Variants in EPYC observed in about 807,000 individuals in gnomAD.
EPYC encodes epiphycan.
Under a neutral mutation model 30.1 loss-of-function variants are expected in EPYC, and 28 were observed. The observed-to-expected ratio is 0.93, with a 90% CI of 0.69 to 1.28. The LOEUF (loss-of-function observed/expected upper bound fraction) is 1.28, where lower values mean the gene tolerates loss of function less well. EPYC is among the 50% of genes most tolerant of loss of function. EPYC has a pLI of 0.00. For missense variants in EPYC, 382 were observed against 383.5 expected, an observed-to-expected ratio of 1.00 and a Z score of 0.03; for synonymous variants, 144 against 141.4, an observed-to-expected ratio of 1.02 and a Z score of -0.13.
intron 1 of EPYC, among the ~76,000 whole-genome samples, chr12:91,003,333 TTA>T (rs1877875231): frequency 6.6e-6 from 1 of 152,054 alleles, no homozygotes; most frequent in Non-Finnish European, 1.5e-5. Flanking sequence ...CCTCAGTATT[TTA>T]TTTAATTCTT....
In EPYC at chr12:90,971,964, A is replaced by G. The variant is rs1294950441; in HGVS notation, c.538T>C (p.Ser180Pro). The G allele has an allele frequency of 3.0e-5, 48 of 1,606,028 alleles. No individual in the cohort carries two copies. The Admixed American group carries it at 5.8e-4, about 19-fold the overall frequency. ...CGGAATGCATCTTCATCAATCTCAG[A>G]TATTAAATTTGATGTCAGATCAATC... ...KRIDLTSNLI[S>P]EIDEDAFRKL... The change falls in exon 5 of 7, where the codon TCT becomes CCT. Residue 180 changes from serine to proline, a missense_variant. By Grantham distance (74) the Ser-to-Pro change is moderately conservative. Transcript: ENST00000261172.
chr12:90,998,504 C>T (rs117387325), intron 2 of EPYC, among the ~76,000 whole-genome samples: 2,739 of 151,844 alleles, frequency 0.018, 39 homozygotes, highest in Non-Finnish European at 0.028. Flanking sequence ...ATTTAATGAC[C>T]CTTTCTCAAC....
intron 6 of EPYC, 100 bp from the exon 7 acceptor site, chr12:90,964,426 T>A (rs1276497984): frequency 1.2e-6 from 1 of 834,492 alleles, no homozygotes; most frequent in Non-Finnish European, 1.8e-6. Flanking sequence ...TATTCTTTTG[T>A]TATTTTCCTC....
chr12:90,974,784 A>G (rs2120815255), intron 3 of EPYC, among the ~76,000 whole-genome samples: 1 of 152,276 alleles, frequency 6.6e-6, no homozygotes, highest in East Asian at 1.9e-4. Flanking sequence ...AAGTTAAGTT[A>G]TCTGACAGCC....
intron 3 of EPYC, among the ~76,000 whole-genome samples, chr12:90,975,086 T>C (rs1202083276): frequency 6.6e-6 from 1 of 152,102 alleles, no homozygotes; most frequent in Non-Finnish European, 1.5e-5. Context: ...TAAGGTCTTA[T>C]TACTATCATT....
At chr12:91,000,142 C>T (rs1877789440) in intron 2 of EPYC, among the ~76,000 whole-genome samples, 2 of 152,010 alleles carry the variant, frequency 1.3e-5, no homozygotes, top group African/African-American at 4.8e-5. Flanking sequence ...TAAGGGATAA[C>T]TAATATATTT....
chr12:90,978,087 CCTT>C lies in EPYC; in HGVS notation c.338_340del (p.Glu113del), dbSNP rs761510819. Reference sequence around the variant, plus strand: ...TGTAATTCTGCTTTGAGGTACCTGACCTTCATTTGTGTGTGGCCCCAGAACCCC... The same window carrying C: ...TGTAATTCTGCTTTGAGGTACCTGACCATTTGTGTGTGGCCCCAGAACCCC... On this transcript the variant is annotated inframe_deletion and splice_region_variant, in exon 3 of 7. Transcript: ENST00000261172. 6.4e-7 allele frequency: 1 copy of C among 1,557,780 alleles called. No individual in the cohort carries two copies. Among genetic ancestry groups the C allele is most frequent in the South Asian group, 1.2e-5 (1 of 82,504 alleles).
intron 3 of EPYC, among the ~76,000 whole-genome samples, chr12:90,974,860 C>G (rs1240830402): frequency 6.6e-6 from 1 of 152,020 alleles, no homozygotes; most frequent in Non-Finnish European, 1.5e-5. Flanking sequence ...AAAGTGAAAT[C>G]TCTATGACAT....
At chr12:90,969,122 G>A (rs1429669425) in intron 6 of EPYC, among the ~76,000 whole-genome samples, 1 of 151,388 alleles carries the variant, frequency 6.6e-6, no homozygotes, top group Non-Finnish European at 1.5e-5. Context: ...AAGGCACAAA[G>A]GTAAATATTC....
At position 90,993,641 on chromosome 12, in the gene EPYC, C is replaced by A. The variant is rs534090164; in HGVS notation, c.165+8760G>T. On this transcript the variant is annotated intron_variant, in intron 2 of 6. Transcript: ENST00000261172. Reference sequence around the variant, plus strand: ...ATTATGTTCCCAACTGTTATTTTTTCTTTGTCTCACTTTCTAAGTTTGTAT... The same window carrying A: ...ATTATGTTCCCAACTGTTATTTTTTATTTGTCTCACTTTCTAAGTTTGTAT... Among the ~76,000 whole-genome samples the A allele has an allele frequency of 3.1e-4, 47 of 151,822 alleles. No homozygotes were observed. The South Asian group carries it at 9.8e-3, about 32-fold the overall frequency.
At chr12:90,976,874 G>A (rs968437795) in intron 3 of EPYC, among the ~76,000 whole-genome samples, 1 of 151,972 alleles carries the variant, frequency 6.6e-6, no homozygotes, top group Admixed American at 6.6e-5. Context: ...CCTTTCACTT[G>A]GCTCTCTTTC....
At position 90,963,800 on chromosome 12, in the gene EPYC, A is replaced by G. The variant is rs1339010636; in HGVS notation, c.*356T>C. ...TAATTAAAAACATCTAAATCTTGGC[A>G]AAAATACCTAAAGTGTTCATTTCAA... is the stretch of plus-strand genomic sequence containing the variant. On this transcript the variant is annotated 3_prime_UTR_variant, in exon 7 of 7. Coordinates refer to ENST00000261172, the MANE Select transcript of EPYC (RefSeq NM_004950.5). 6.3e-6 allele frequency: 1 copy of G among 158,490 alleles called. No individual in the cohort carries two copies. Among genetic ancestry groups the G allele is most frequent in the Non-Finnish European group, 1.4e-5 (1 of 72,392 alleles). 9.8% of individuals were successfully genotyped at this position (158,490 alleles called of 1,614,324 possible).
At chr12:90,996,506 A>G (rs886287180) in intron 2 of EPYC, among the ~76,000 whole-genome samples, 1 of 152,016 alleles carries the variant, frequency 6.6e-6, no homozygotes, top group African/African-American at 2.4e-5. Flanking sequence ...AAATAAAAAG[A>G]AACCATTCCT....
intron 2 of EPYC, among the ~76,000 whole-genome samples, chr12:90,992,970 CA>C (rs1353829461): frequency 3.3e-5 from 5 of 150,506 alleles, no homozygotes; most frequent in African/African-American, 1.2e-4. Flanking sequence ...GGCATTTCTC[CA>C]AATTGTGTTT....
chr12:90,968,568 A>T (rs1018091131), intron 6 of EPYC, among the ~76,000 whole-genome samples: 4 of 152,222 alleles, frequency 2.6e-5, no homozygotes, highest in Non-Finnish European at 4.4e-5. Context: ...TATATATTGG[A>T]TGTTGTGAGC....
chr12:90,999,269 T>G (rs143339913), intron 2 of EPYC, among the ~76,000 whole-genome samples: 28 of 152,124 alleles, frequency 1.8e-4, no homozygotes, highest in African/African-American at 6.3e-4. Context: ...CTGCCTGCAA[T>G]ATACATCAAA....
chr12:91,000,143 T>C (rs1877789495), intron 2 of EPYC, among the ~76,000 whole-genome samples: 1 of 152,086 alleles, frequency 6.6e-6, no homozygotes, highest in African/African-American at 2.4e-5. Flanking sequence ...AAGGGATAAC[T>C]AATATATTTC....
intron 3 of EPYC, among the ~76,000 whole-genome samples, chr12:90,973,188 A>T (rs188738352): frequency 1.1e-4 from 15 of 130,712 alleles, no homozygotes; most frequent in Admixed American, 5.0e-4. Context: ...GTAACATTTT[A>T]AAAATAATTT....
chr12:90,994,539 T>A (rs1249148737), intron 2 of EPYC, among the ~76,000 whole-genome samples: 1 of 152,110 alleles, frequency 6.6e-6, no homozygotes, highest in East Asian at 1.9e-4. Context: ...CAAGACTGTC[T>A]CCCAATGAGG....
Sources: gnomAD v4.1 joint callset for allele counts (sites outside exome capture counted in the v4.1 genomes callset) on GRCh38, gnomAD v4.1.1 for gene constraint, MANE v1.5 for transcripts, NCBI Gene and HGNC (gene_info 2026-07-23, HGNC 2026-07-21) for gene names.